Variants in POLR1A observed in about 807,000 individuals in gnomAD.
POLR1A encodes the protein RNA polymerase I subunit A, also known as DNA-directed RNA polymerase I subunit RPA1.
Under a neutral mutation model 205.3 loss-of-function variants are expected in POLR1A, and 84 were observed. The observed-to-expected ratio is 0.41, with a 90% CI of 0.34 to 0.49. The LOEUF (loss-of-function observed/expected upper bound fraction) is 0.49, where lower values mean the gene tolerates loss of function less well. POLR1A is among the 20% of genes least tolerant of loss of function. The pLI is 0.22. For synonymous variants in POLR1A, 799 were observed against 863.7 expected, an observed-to-expected ratio of 0.93 and a Z score of 1.31; for missense variants, 1,645 against 2,204.5, an observed-to-expected ratio of 0.75 and a Z score of 5.08.
At position 86,070,351 on chromosome 2, in the gene POLR1A, T is replaced by C; in HGVS notation, c.1612-79A>G. 6.9e-7 allele frequency: 1 copy of C among 1,449,814 alleles called. No individual in the cohort carries two copies. Among genetic ancestry groups the C allele is most frequent in the African/African-American group, 1.4e-5 (1 of 70,802 alleles). The allele number at this position is 1,449,814 out of a possible 1,614,324, so 89.8% of individuals were successfully genotyped here. ...GCTCTTTCCAAGTGCTCACCTCAGC[T>C]TGACCAAGGTGTGGCTTTTGTCTCA... On this transcript the variant is annotated intron_variant, in intron 12 of 33. Transcript: ENST00000263857. The surrounding 1 kb of genome is among the most constrained non-coding windows in gnomAD (Gnocchi z 4.4).
Position 86,045,631 on chromosome 2 carries a change from C to T in POLR1A, c.2872G>A (p.Gly958Ser), listed in dbSNP as rs1039959427. ...GGFVTGRFLTGIKPPEFFFHC... is the reference protein window; with the variant it reads ...GGFVTGRFLTSIKPPEFFFHC... ...AAAATACATACAGGAGGTTTGATGC[C>T]GGTGAGGAACCTGCCAGTGACAAAG... Residue 958 changes from glycine to serine, a missense_variant, in exon 20 of 34, where the codon GGC (glycine) becomes AGC (serine). Coordinates refer to ENST00000263857, the MANE Select transcript of POLR1A (RefSeq NM_015425.6). 1.5e-5 allele frequency: 24 copies of T among 1,613,974 alleles called. No homozygotes were observed. Among genetic ancestry groups the T allele is most frequent in the Non-Finnish European group, 1.9e-5 (23 of 1,180,020 alleles).
At position 86,058,537 on chromosome 2, in the gene POLR1A, GA is replaced by G. The variant is rs772340416; in HGVS notation, c.2059-4249del. Among the ~76,000 whole-genome samples the G allele has an allele frequency of 5.0e-3, 644 of 129,262 alleles. 11 individuals are homozygous for G. Among genetic ancestry groups the G allele is most frequent in the Admixed American group, 0.016 (199 of 12,504 alleles). 84.8% of individuals were successfully genotyped at this position (129,262 alleles called of 152,430 possible). A position where few individuals can be genotyped will look rare whatever the true frequency, so the allele number is the denominator to read the frequency against. On this transcript the variant is annotated intron_variant, in intron 14 of 33. Coordinates refer to ENST00000263857, the MANE Select transcript of POLR1A (RefSeq NM_015425.6). ...TGTTGAATATGAATTATATCTTAAT[GA>G]AAAAAAAAAAAACATAAAGGACCCA...
In POLR1A at chr2:86,043,200, A is replaced by G. The variant is rs1439349901; in HGVS notation, c.3136-5T>C. 5.6e-6 allele frequency: 9 copies of G among 1,600,126 alleles called. No homozygotes were observed. The Admixed American group carries it at 1.2e-4, about 21-fold the overall frequency. ...ATGCTGTGATTTCATTATCACCTAA[A>G]CAAACAAACAAAAAAACAAACAAAC... On this transcript the variant is annotated splice_polypyrimidine_tract_variant and splice_region_variant and intron_variant, in intron 22 of 33. Transcript: ENST00000263857.
At chr2:86,079,128 T>C (rs7562837) in intron 9 of POLR1A, among the ~76,000 whole-genome samples, 32,623 of 152,076 alleles carry the variant, frequency 0.21, 6,719 homozygotes, top group African/African-American at 0.54. Context: ...AACGAGAATG[T>C]TATGAAAACC....
chr2:86,028,616 G>T lies in POLR1A; in HGVS notation c.4875C>A (p.Ile1625=). Residue 1625 remains isoleucine, a synonymous_variant, in exon 32 of 34, where the codon ATC becomes ATA. Coordinates refer to ENST00000263857, the MANE Select transcript of POLR1A (RefSeq NM_015425.6). This position sits in a 1 kb window ranked among gnomAD's most constrained non-coding sequence, Gnocchi z 4.5. ...EAALRVIEKE[I]KDVFAVYGIA... ...TACCATACACGGCAAACACATCCTTGATCTCCTTCTCGATCACCCGCAGCG... is the reference window on the plus strand; with the variant it reads ...TACCATACACGGCAAACACATCCTTTATCTCCTTCTCGATCACCCGCAGCG... 2 of 1,613,762 alleles carry T rather than the reference G, an allele frequency of 1.2e-6. No individual in the cohort carries two copies. The highest frequency in any genetic ancestry group is 1.7e-6 in the Non-Finnish European group (2 of 1,179,636).
rs189823792 is a variant in POLR1A at position 86,044,977 on chromosome 2, C to A, written c.2969+301G>T. 6.6e-5 allele frequency among the ~76,000 whole-genome samples: 10 copies of A among 152,276 alleles called. No homozygotes were observed. The East Asian group carries it at 9.7e-4, about 15-fold the overall frequency. Reference sequence around the variant, plus strand: ...AGTCACTACTGTCTTGGCAGCTGAGCCTTCTAGGAAGCAAGATAAGCTTGC... The same window carrying A: ...AGTCACTACTGTCTTGGCAGCTGAGACTTCTAGGAAGCAAGATAAGCTTGC... On this transcript the variant is annotated intron_variant, in intron 21 of 33. Transcript: ENST00000263857.
At position 86,027,459 on chromosome 2, in the gene POLR1A, C is replaced by T; in HGVS notation, c.5127G>A (p.Gly1709=). 1 of 1,614,168 alleles carries T rather than the reference C, an allele frequency of 6.2e-7. No homozygotes were observed. The highest frequency in any genetic ancestry group is 1.1e-5 in the South Asian group (1 of 91,076). Residue 1709 remains glycine (G), a synonymous_variant, in exon 34 of 34, where the codon GGG becomes GGA. Transcript: ENST00000263857. ...CLVVGKVVRG[G]TGLFELKQPL... ...GCTGCTTGAGCTCGAACAGGCCTGT[C>T]CCGCCCCTGACGACCTTCCCGACCA...
rs1393603910 is a variant in POLR1A at position 86,027,412 on chromosome 2, C to A, written c.*11G>T. ...GTCCTTGGAGCTGGGCAGATGGTGC[C>A]GGGGTAGCTGCTATCTCAGAGGCTG... On this transcript the variant is annotated 3_prime_UTR_variant, in exon 34 of 34. Coordinates refer to ENST00000263857, the MANE Select transcript of POLR1A (RefSeq NM_015425.6). 1 of 1,610,358 alleles carries A rather than the reference C, an allele frequency of 6.2e-7. No individual in the cohort carries two copies. The highest frequency in any genetic ancestry group is 8.5e-7 in the Non-Finnish European group (1 of 1,176,594).
chr2:86,055,786 C>T (rs950373531), intron 14 of POLR1A, among the ~76,000 whole-genome samples: 1 of 152,202 alleles, frequency 6.6e-6, no homozygotes, highest in African/African-American at 2.4e-5. Flanking sequence ...TGTCACCAAC[C>T]TAATAAAGGG....
intron 14 of POLR1A, among the ~76,000 whole-genome samples, chr2:86,063,104 G>A (rs578207028): frequency 1.3e-5 from 2 of 152,264 alleles, no homozygotes; most frequent in East Asian, 3.9e-4. Flanking sequence ...GGGAGGCCAA[G>A]GTTGGTGGAT....
At position 86,020,547 on chromosome 2, in the gene POLR1A, C is replaced by CAAAAAAAAAAAAAAAAAAAAAAAAA. The variant is rs11372631; in HGVS notation, c.*6875_*6876insTTTTTTTTTTTTTTTTTTTTTTTTT. 1 of 73,310 alleles carries CAAAAAAAAAAAAAAAAAAAAAAAAA rather than the reference C, an allele frequency of 1.4e-5. No homozygotes were observed. 4.5% of individuals were successfully genotyped at this position (73,310 alleles called of 1,614,324 possible). Reference sequence around the variant, plus strand: ...TGGGCAACAGAGTGAGACCCCGTCTCAAAAAAAAAAAAAAAAAAAAAAAGA... The same window carrying CAAAAAAAAAAAAAAAAAAAAAAAAA: ...TGGGCAACAGAGTGAGACCCCGTCTCAAAAAAAAAAAAAAAAAAAAAAAAAAAAAAAAAAAAAAAAAAAAAAAAGA... On this transcript the variant is annotated 3_prime_UTR_variant, in exon 34 of 34. Transcript: ENST00000263857.
chr2:86,102,223 T>C (rs1161043424), intron 1 of POLR1A, among the ~76,000 whole-genome samples: 2 of 152,246 alleles, frequency 1.3e-5, no homozygotes, highest in African/African-American at 4.8e-5. Context: ...CTGTTTTCCA[T>C]AGTGGTTGCA....
intron 14 of POLR1A, among the ~76,000 whole-genome samples, chr2:86,056,339 C>G (rs1672896310): frequency 6.6e-6 from 1 of 151,820 alleles, no homozygotes; most frequent in Non-Finnish European, 1.5e-5. Flanking sequence ...GTTATCCCAG[C>G]TACTCGGGAG....
chr2:86,105,030 T>C (rs1673897223), intron 1 of POLR1A, among the ~76,000 whole-genome samples: 1 of 152,234 alleles, frequency 6.6e-6, no homozygotes, highest in African/African-American at 2.4e-5. Context: ...CTCACCAATG[T>C]GTCATTAACG....
At chr2:86,034,846 C>T (rs1449476372) in intron 27 of POLR1A, among the ~76,000 whole-genome samples, 2 of 152,184 alleles carry the variant, frequency 1.3e-5, no homozygotes, top group African/African-American at 4.8e-5. Flanking sequence ...AAGAATGCCA[C>T]TCATCTTCCC....
chr2:86,099,941 G>C, intron 2 of POLR1A, 27 bp downstream of exon 2: 1 of 1,591,154 alleles, frequency 6.3e-7, no homozygotes, highest in Non-Finnish European at 8.6e-7. Flanking sequence ...GCAGCCCGGA[G>C]ACCCACACAA....
chr2:86,047,133 C>T (rs1366863971), intron 19 of POLR1A, 32 bp downstream of exon 19: 1 of 1,514,110 alleles, frequency 6.6e-7, no homozygotes, highest in Non-Finnish European at 9.2e-7. Context: ...TTGCTGACAC[C>T]TGTAAAGCTG....
chr2:86,099,727 C>CA (rs1673779001), intron 2 of POLR1A, among the ~76,000 whole-genome samples: 1 of 152,170 alleles, frequency 6.6e-6, no homozygotes, highest in Admixed American at 6.5e-5. Context: ...CGACCCTCCA[C>CA]GCAAACGGAA....
chr2:86,029,069 C>T (rs1027290779), intron 31 of POLR1A, among the ~76,000 whole-genome samples: 1 of 152,230 alleles, frequency 6.6e-6, no homozygotes, highest in East Asian at 1.9e-4. Context: ...CCCCTAGCAG[C>T]GACACATTAC....
Sources: allele counts gnomAD v4.1 joint callset (sites outside exome capture counted in the v4.1 genomes callset), GRCh38; gene constraint gnomAD v4.1.1; non-coding constraint Gnocchi (gnomAD v3.1); transcripts MANE v1.5; gene names NCBI Gene and HGNC (gene_info 2026-07-23, HGNC 2026-07-21).